KCNH1: variants seen among roughly 807,000 people sequenced by gnomAD.
The protein encoded by KCNH1 is potassium voltage-gated channel subfamily H member 1, also known as voltage-gated delayed rectifier potassium channel KCNH1.
A neutral mutation model predicts 69.2 loss-of-function variants in KCNH1; 27 were observed. The ratio of observed to expected loss-of-function variants is 0.39; its 90% CI spans 0.29 to 0.54. The LOEUF (loss-of-function observed/expected upper bound fraction) is 0.54. Among genes scored for constraint, KCNH1 ranks in the 20% least tolerant of loss-of-function variants. The pLI is 0.68. For missense variants in KCNH1, 798 were observed against 1,261.6 expected (o/e 0.63, Z 5.57); for synonymous variants, 456 against 487.7 (o/e 0.93, Z 0.86).
rs111829608 is a variant in KCNH1, at chr1:210,785,451, G to C, written c.1916-9907C>G. On this transcript the variant is annotated intron_variant, in intron 9 of 10. Coordinates refer to ENST00000271751, the MANE Select transcript of KCNH1 (RefSeq NM_172362.3). Reference sequence around the variant, plus strand: ...GCTCTGTCACCCAGGCTGGAGTGCAGTGGTGCAATCTTGGCTCACCGCAAC... The same window carrying C: ...GCTCTGTCACCCAGGCTGGAGTGCACTGGTGCAATCTTGGCTCACCGCAAC... Among the ~76,000 whole-genome samples the C allele has an allele frequency of 1.3e-3, 191 of 150,698 alleles. 1 individual carries two copies. Among genetic ancestry groups the C allele is most frequent in the African/African-American group, 4.6e-3 (188 of 40,808 alleles).
At chr1:210,773,342 C>T (rs1457738646) in intron 10 of KCNH1, among the ~76,000 whole-genome samples, 2 of 152,052 alleles carry the variant, frequency 1.3e-5, no homozygotes, top group East Asian at 3.9e-4. Flanking sequence ...AAGTTGAGGC[C>T]CAGAGTTGAG....
intron 6 of KCNH1, among the ~76,000 whole-genome samples, chr1:210,957,676 C>A (rs1688205159): frequency 6.6e-6 from 1 of 152,138 alleles, no homozygotes; most frequent in South Asian, 2.1e-4. Flanking sequence ...AAATGGCCTT[C>A]TTTATCTCTT....
At chr1:210,925,543 G>A (rs1687556072) in intron 6 of KCNH1, among the ~76,000 whole-genome samples, 1 of 152,210 alleles carries the variant, frequency 6.6e-6, no homozygotes, top group African/African-American at 2.4e-5. Flanking sequence ...CATGGTGAGA[G>A]TGAGACCAGA....
chr1:210,911,927 C>T (rs1375803896), intron 7 of KCNH1, among the ~76,000 whole-genome samples: 1 of 152,168 alleles, frequency 6.6e-6, no homozygotes, highest in African/African-American at 2.4e-5. Context: ...CTTTACTCTG[C>T]ATCCCCCGAC....
Position 211,103,607 on chromosome 1 carries a change from AAAC to A in KCNH1, c.204-8_204-6del, listed in dbSNP as rs1478887348. 4 of 1,583,168 alleles carry A rather than the reference AAAC, an allele frequency of 2.5e-6. No homozygotes were observed. The Admixed American group carries it at 5.2e-5, about 20-fold the overall frequency. ...GTCAGCTCCCCATACATAAAACTGC[AAAC>A]AACCAAAGAACTCAAGTTAGATTAA... On this transcript the variant is annotated splice_region_variant and splice_polypyrimidine_tract_variant and intron_variant, in intron 2 of 10. Coordinates refer to ENST00000271751, the MANE Select transcript of KCNH1 (RefSeq NM_172362.3).
intron 9 of KCNH1, among the ~76,000 whole-genome samples, chr1:210,782,053 G>A (rs971693226): frequency 2.6e-5 from 4 of 152,066 alleles, no homozygotes; most frequent in African/African-American, 9.7e-5. Context: ...TTCAAAATAT[G>A]CCCAAACCTC....
intron 7 of KCNH1, among the ~76,000 whole-genome samples, chr1:210,853,957 A>AAAAAACAAAC (rs1553351806): frequency 7.0e-4 from 103 of 148,194 alleles, no homozygotes; most frequent in Non-Finnish European, 1.1e-3. Context: ...AAAAAAAAAA[A>AAAAAACAAAC]AAAAAAAAAA....
chr1:210,894,702 A>C (rs557173275), intron 7 of KCNH1, among the ~76,000 whole-genome samples: 4 of 152,270 alleles, frequency 2.6e-5, no homozygotes, highest in African/African-American at 9.6e-5. Flanking sequence ...CTTTATTATA[A>C]AAATGAGCTC....
intron 1 of KCNH1, among the ~76,000 whole-genome samples, chr1:211,127,895 T>C (rs901462606): frequency 1.3e-5 from 2 of 152,170 alleles, no homozygotes; most frequent in Non-Finnish European, 2.9e-5. Flanking sequence ...CTAAAAATGT[T>C]TGTAGCAGCA....
chr1:211,098,839 G>A (rs1691204493), intron 3 of KCNH1, among the ~76,000 whole-genome samples: 1 of 152,138 alleles, frequency 6.6e-6, no homozygotes, highest in Non-Finnish European at 1.5e-5. Flanking sequence ...CAATTTAAAA[G>A]TTATACTATT....
intron 10 of KCNH1, among the ~76,000 whole-genome samples, chr1:210,736,545 C>A (rs560641410): frequency 2.6e-5 from 4 of 151,698 alleles, no homozygotes; most frequent in East Asian, 1.9e-4. Flanking sequence ...CTCCATCCCC[C>A]CTCCAAAAAA....
At chr1:211,084,495 T>C (rs777577209) in intron 4 of KCNH1, among the ~76,000 whole-genome samples, 17 of 152,048 alleles carry the variant, frequency 1.1e-4, no homozygotes, top group Non-Finnish European at 1.8e-4. Flanking sequence ...CATAAAAGAA[T>C]AAAAAGAAAT....
intron 7 of KCNH1, among the ~76,000 whole-genome samples, chr1:210,845,428 G>T (rs1195897076): frequency 1.3e-5 from 2 of 151,880 alleles, no homozygotes; most frequent in South Asian, 2.1e-4. Context: ...TTAAACATAC[G>T]CAAATCAATA....
intron 6 of KCNH1, among the ~76,000 whole-genome samples, chr1:210,999,535 CA>C (rs1009531673): frequency 4.1e-4 from 62 of 152,010 alleles, no homozygotes; most frequent in Admixed American, 5.2e-4. Flanking sequence ...GCTTACCAAT[CA>C]AAAAAAGTCC....
At chr1:210,857,177 C>T (rs1336360202) in intron 7 of KCNH1, among the ~76,000 whole-genome samples, 1 of 151,554 alleles carries the variant, frequency 6.6e-6, no homozygotes, top group Non-Finnish European at 1.5e-5. Flanking sequence ...TACAGGTCAA[C>T]AGGTTACTGT....
At chr1:211,052,171 T>A (rs918493171) in intron 5 of KCNH1, among the ~76,000 whole-genome samples, 2 of 152,116 alleles carry the variant, frequency 1.3e-5, no homozygotes, top group African/African-American at 4.8e-5. Flanking sequence ...AAGCAGAGAA[T>A]ACCCTTCCAC....
intron 10 of KCNH1, among the ~76,000 whole-genome samples, chr1:210,769,306 T>C (rs778837237): frequency 2.0e-5 from 3 of 152,224 alleles, no homozygotes; most frequent in Non-Finnish European, 4.4e-5. Flanking sequence ...AAGCATTCAA[T>C]GCTTTCATCT....
chr1:210,927,061 T>C (rs1687588489), intron 6 of KCNH1, among the ~76,000 whole-genome samples: 1 of 152,216 alleles, frequency 6.6e-6, no homozygotes, highest in African/African-American at 2.4e-5. Context: ...TCCAAGAAAT[T>C]TGGGTTTATG....
intron 7 of KCNH1, among the ~76,000 whole-genome samples, chr1:210,879,363 T>C (rs1235365118): frequency 6.6e-6 from 1 of 151,986 alleles, no homozygotes; most frequent in East Asian, 1.9e-4. Flanking sequence ...ATTCTCAACA[T>C]ATTAGCAAAT....
Sources: gnomAD v4.1 joint callset for allele counts (sites outside exome capture counted in the v4.1 genomes callset) on GRCh38, gnomAD v4.1.1 for gene constraint, MANE v1.5 for transcripts, NCBI Gene and HGNC (gene_info 2026-07-23, HGNC 2026-07-21) for gene names.